Variants in EVI5 observed in about 807,000 individuals in gnomAD.
The protein encoded by EVI5 is ecotropic viral integration site 5 protein homolog.
A neutral mutation model predicts 112.0 loss-of-function variants in EVI5; 73 were observed. The observed-to-expected ratio is 0.65, with a 90% CI of 0.54 to 0.79. EVI5 has a LOEUF of 0.79. Among genes scored for constraint, EVI5 ranks in the 30% least tolerant of loss-of-function variants. The pLI is 0.00. For missense variants in EVI5, 900 were observed against 968.8 expected (o/e 0.93, Z 0.94); for synonymous variants, 305 against 319.9 (o/e 0.95, Z 0.50).
intron 14 of EVI5, among the ~76,000 whole-genome samples, chr1:92,634,759 T>C (rs1311438791): frequency 1.3e-5 from 2 of 152,216 alleles, no homozygotes; most frequent in Non-Finnish European, 2.9e-5. Flanking sequence ...GGCACTCTGC[T>C]TTTTAGAATT....
At chr1:92,786,021 G>A (rs539668486), upstream of EVI5, among the ~76,000 whole-genome samples, 2 of 151,836 alleles carry the variant, frequency 1.3e-5, no homozygotes, top group South Asian at 2.1e-4. Context: ...AACCACGGAG[G>A]TGGAGGTTGC....
intron 19 of EVI5, among the ~76,000 whole-genome samples, chr1:92,537,715 G>A (rs558346017): frequency 5.9e-5 from 9 of 151,330 alleles, no homozygotes; most frequent in East Asian, 1.9e-4. Context: ...AAAAGTGATC[G>A]ACTGGAGGTC....
chr1:92,574,077 A>G (rs906023529), intron 18 of EVI5, among the ~76,000 whole-genome samples: 5 of 152,162 alleles, frequency 3.3e-5, no homozygotes, highest in African/African-American at 1.2e-4. Context: ...AAGAGTATGT[A>G]GAAGAATATT....
intron 19 of EVI5, among the ~76,000 whole-genome samples, chr1:92,535,016 T>A (rs546729092): frequency 6.6e-6 from 1 of 152,110 alleles, no homozygotes; most frequent in South Asian, 2.1e-4. Context: ...ATTTTTGCAA[T>A]TTATATTTTG....
intron 19 of EVI5, among the ~76,000 whole-genome samples, chr1:92,514,485 C>T (rs1659566946): frequency 1.3e-5 from 2 of 152,006 alleles, no homozygotes; most frequent in South Asian, 4.1e-4. Context: ...ATAATAACAA[C>T]CGTCCTATGT....
rs201353144 is a variant in EVI5, at chr1:92,710,763, G to A, written c.150-6019C>T. Among the ~76,000 whole-genome samples, 978 of 149,774 alleles carry A rather than the reference G, an allele frequency of 6.5e-3. 8 individuals carry two copies. Among genetic ancestry groups the A allele is most frequent in the African/African-American group, 0.023 (941 of 40,344 alleles). On this transcript the variant is annotated intron_variant, in intron 2 of 19. Coordinates refer to ENST00000684568, the MANE Select transcript of EVI5 (RefSeq NM_001350197.2). ...TAGTGAGATTGGGGTTGGGGGGGGG[G>A]TGCCAATATACCAACTGGACTCCAA...
rs1195456163 is a variant in EVI5, at chr1:92,648,146, A to C, written c.1393-11810T>G. On this transcript the variant is annotated intron_variant, in intron 13 of 19. Coordinates refer to ENST00000684568, the MANE Select transcript of EVI5 (RefSeq NM_001350197.2). Reference sequence around the variant, plus strand: ...TAGATTACAAGGTCAGGAGATCGAGACCATCCTGGCTAACACGGTGAAACC... The same window carrying C: ...TAGATTACAAGGTCAGGAGATCGAGCCCATCCTGGCTAACACGGTGAAACC... 1.2e-4 allele frequency among the ~76,000 whole-genome samples: 17 copies of C among 141,134 alleles called. 1 individual carries two copies. The highest frequency in any genetic ancestry group is 4.4e-4 in the African/African-American group (17 of 38,526). 92.6% of individuals were successfully genotyped at this position (141,134 alleles called of 152,430 possible).
Position 92,509,946 on chromosome 1 carries a change from T to C in EVI5, c.*3710A>G, listed in dbSNP as rs200030720. 6.6e-6 allele frequency: 1 copy of C among 152,328 alleles called. No individual in the cohort carries two copies. The highest frequency in any genetic ancestry group is 1.9e-4 in the East Asian group (1 of 5,186). 9.4% of individuals were successfully genotyped at this position (152,328 alleles called of 1,614,324 possible). ...AATTAAATAAAATTCATCGAGAACATTGTTCAATGCTTCAAAGTCTTGAAC... is the reference window on the plus strand; with the variant it reads ...AATTAAATAAAATTCATCGAGAACACTGTTCAATGCTTCAAAGTCTTGAAC... On this transcript the variant is annotated 3_prime_UTR_variant, in exon 20 of 20. Transcript: ENST00000684568.
At chr1:92,615,531 G>C (rs1652925369) in intron 16 of EVI5, among the ~76,000 whole-genome samples, 1 of 152,138 alleles carries the variant, frequency 6.6e-6, no homozygotes, top group Non-Finnish European at 1.5e-5. Context: ...GATGAAGCTG[G>C]GGACATAGAG....
At chr1:92,554,804 A>G (rs918133512) in intron 19 of EVI5, among the ~76,000 whole-genome samples, 1 of 148,638 alleles carries the variant, frequency 6.7e-6, no homozygotes, top group Non-Finnish European at 1.5e-5. Flanking sequence ...CCCTGTCTCT[A>G]CAAAAACAAA....
chr1:92,522,631 C>CCAAAAA (rs574259658), intron 19 of EVI5, among the ~76,000 whole-genome samples: 1 of 70,486 alleles, frequency 1.4e-5, no homozygotes, highest in African/African-American at 6.4e-5. Flanking sequence ...ACTCCATCTC[C>CCAAAAA]AAAAAAAAAA....
At chr1:92,703,198 T>C (rs570369167) in intron 4 of EVI5, among the ~76,000 whole-genome samples, 197 bp downstream of exon 4, 1 of 152,112 alleles carries the variant, frequency 6.6e-6, no homozygotes, top group African/African-American at 2.4e-5. Context: ...CTAAATAACG[T>C]AGTAAATGTT....
intron 1 of EVI5, chr1:92,749,198 A>G (rs1679814657): frequency 6.5e-6 from 2 of 309,266 alleles, no homozygotes; most frequent in South Asian, 2.8e-5. Flanking sequence ...CCTCCAGTAG[A>G]GGGCACACTC....
chr1:92,698,113 G>T, intron 5 of EVI5, 128 bp from the exon 6 acceptor site: 3 of 768,868 alleles, frequency 3.9e-6, no homozygotes, highest in Non-Finnish European at 6.3e-6. Flanking sequence ...GCAATGTTAA[G>T]AGCAATGAGG....
At chr1:92,710,101 G>T (rs868036315) in intron 2 of EVI5, among the ~76,000 whole-genome samples, 5 of 17,420 alleles carry the variant, frequency 2.9e-4, no homozygotes, top group African/African-American at 9.3e-4. Context: ...AAAAAAAAAA[G>T]GGAGGCCGAG....
intron 1 of EVI5, chr1:92,755,829 T>G (rs1383690653): frequency 6.4e-6 from 1 of 157,368 alleles, no homozygotes; most frequent in Non-Finnish European, 1.4e-5. Context: ...GGAGAAGCAG[T>G]GATGGCGAGG....
At chr1:92,758,387 G>A (rs1019017847) in intron 1 of EVI5, among the ~76,000 whole-genome samples, 3 of 152,028 alleles carry the variant, frequency 2.0e-5, no homozygotes, top group Non-Finnish European at 2.9e-5. Context: ...TGGGCAACAT[G>A]GCAAAACCCC....
At chr1:92,670,058 A>G (rs1279805300) in intron 10 of EVI5, among the ~76,000 whole-genome samples, 3 of 152,208 alleles carry the variant, frequency 2.0e-5, no homozygotes, top group African/African-American at 7.2e-5. Flanking sequence ...TGCTAAGACA[A>G]ACATACCCTG....
intron 18 of EVI5, among the ~76,000 whole-genome samples, chr1:92,583,413 A>C (rs1053690101): frequency 6.8e-6 from 1 of 147,636 alleles, no homozygotes; most frequent in African/African-American, 2.5e-5. Context: ...TGAGAGGCTG[A>C]GGCAGGAGAA....
Sources: gnomAD v4.1 joint callset for allele counts (sites outside exome capture counted in the v4.1 genomes callset) on GRCh38, gnomAD v4.1.1 for gene constraint, MANE v1.5 for transcripts, NCBI Gene and HGNC (gene_info 2026-07-23, HGNC 2026-07-21) for gene names.